Variants in TAOK3 observed in about 807,000 individuals in gnomAD.
TAOK3 encodes TAO kinase 3, also known as serine/threonine-protein kinase TAO3.
Under a neutral mutation model 120.4 loss-of-function variants are expected in TAOK3, and 40 were observed. The ratio of observed to expected loss-of-function variants is 0.33; its 90% CI spans 0.26 to 0.43. The LOEUF is 0.43. TAOK3 is among the 20% of genes least tolerant of loss of function. TAOK3 has a pLI of 1.00. For synonymous variants in TAOK3, 355 were observed against 387.5 expected (o/e 0.92, Z 0.99); for missense variants, 821 against 1,112.1 (o/e 0.74, Z 3.72).
chr12:118,333,569 A>T (rs952098175), intron 1 of TAOK3, among the ~76,000 whole-genome samples: 5 of 152,060 alleles, frequency 3.3e-5, no homozygotes, highest in Non-Finnish European at 7.4e-5. Context: ...TTTCTACCAT[A>T]AGAATCCTAG....
chr12:118,199,625 A>G (rs1457565570), intron 12 of TAOK3: 4 of 291,278 alleles, frequency 1.4e-5, no homozygotes, highest in African/African-American at 6.5e-5. Context: ...ACTGCTGGCC[A>G]CTAAACAGGT....
chr12:118,338,814 A>G (rs1434000819), intron 1 of TAOK3, among the ~76,000 whole-genome samples: 3 of 143,064 alleles, frequency 2.1e-5, no homozygotes, highest in Non-Finnish European at 4.6e-5. Context: ...AAAAAAAAAA[A>G]GAGAAAACGG....
At position 118,201,350 on chromosome 12, in the gene TAOK3, T is replaced by C. The variant is rs1565939722; in HGVS notation, c.933A>G (p.Ile311Met). The change falls in exon 12 of 21, where the codon ATA (isoleucine) becomes ATG (methionine). Residue 311 changes from isoleucine (I) to methionine (M), a missense_variant. Coordinates refer to ENST00000392533, the MANE Select transcript of TAOK3 (RefSeq NM_016281.4). ...DNLQYRKMKK[I>M]LFQETRNGPL... Reference sequence around the variant, plus strand: ...GTCCATTCCGTGTCTCTTGGAAAAGTATTTTTTTCATTTTTCGGTACTGTA... The same window carrying C: ...GTCCATTCCGTGTCTCTTGGAAAAGCATTTTTTTCATTTTTCGGTACTGTA... 1.9e-6 allele frequency: 3 copies of C among 1,614,132 alleles called. No individual in the cohort carries two copies. Among genetic ancestry groups the C allele is most frequent in the Non-Finnish European group, 2.5e-6 (3 of 1,179,972 alleles).
In TAOK3 at chr12:118,212,883, C is replaced by T. The variant is rs974711024; in HGVS notation, c.819+31G>A. On this transcript the variant is annotated intron_variant, in intron 11 of 20. Coordinates refer to ENST00000392533, the MANE Select transcript of TAOK3 (RefSeq NM_016281.4). The stretch of plus-strand genomic sequence containing the variant: ...TTCCATTATAACATGACTTTAAATC[C>T]CCCTCCTCAAATATAAATTTGAAAA... 4.2e-6 allele frequency: 6 copies of T among 1,431,986 alleles called. No homozygotes were observed. In the African/African-American group the frequency reaches 4.2e-5, roughly 10 times the overall value. 88.7% of individuals were successfully genotyped at this position (1,431,986 alleles called of 1,614,324 possible).
At chr12:118,369,409 A>G (rs1244439586) in intron 1 of TAOK3, among the ~76,000 whole-genome samples, 1 of 152,224 alleles carries the variant, frequency 6.6e-6, no homozygotes, top group East Asian at 1.9e-4. Context: ...CTCTGGATCA[A>G]TACCATAATA....
At chr12:118,231,835 A>C (rs570245017) in intron 9 of TAOK3, among the ~76,000 whole-genome samples, 1 of 152,158 alleles carries the variant, frequency 6.6e-6, no homozygotes, top group South Asian at 2.1e-4. Context: ...AGGCAGGAGA[A>C]TCGCTTGAAC....
intron 1 of TAOK3, among the ~76,000 whole-genome samples, chr12:118,334,947 G>A (rs1455446638): frequency 3.3e-5 from 5 of 151,730 alleles, no homozygotes; most frequent in African/African-American, 1.2e-4. Flanking sequence ...GGGAGGCTGA[G>A]ATGGGTGGAT....
intron 1 of TAOK3, among the ~76,000 whole-genome samples, chr12:118,352,797 A>G (rs1283278665): frequency 2.0e-5 from 3 of 152,064 alleles, no homozygotes; most frequent in African/African-American, 4.8e-5. Context: ...TGCAACTTCC[A>G]CCACTGGGAT....
intron 12 of TAOK3, chr12:118,200,193 TG>T: frequency 1.3e-5 from 2 of 152,380 alleles, no homozygotes; most frequent in Admixed American, 1.3e-4. Flanking sequence ...TATAGTTCAA[TG>T]CAACTTTCCG....
chr12:118,253,005 C>T (rs1019171064), intron 3 of TAOK3, among the ~76,000 whole-genome samples: 4 of 152,060 alleles, frequency 2.6e-5, no homozygotes, highest in Admixed American at 2.0e-4. Context: ...GGATTACAGG[C>T]GTGAGCCACT....
rs1192680968 is a variant in TAOK3, at chr12:118,330,456, C to T, written c.-194+42192G>A. ...TATATTTTTAGATAGTGTTCAGATTCCTGACCCAAACTACATTATCATAAC... is the reference window on the plus strand; with the variant it reads ...TATATTTTTAGATAGTGTTCAGATTTCTGACCCAAACTACATTATCATAAC... On this transcript the variant is annotated intron_variant, in intron 1 of 20. Coordinates refer to ENST00000392533, the MANE Select transcript of TAOK3 (RefSeq NM_016281.4). Among the ~76,000 whole-genome samples the T allele has an allele frequency of 2.0e-5, 3 of 152,038 alleles. No individual in the cohort carries two copies. The East Asian group carries it at 5.8e-4, about 29-fold the overall frequency.
intron 17 of TAOK3, among the ~76,000 whole-genome samples, chr12:118,167,805 A>G (rs1446231501): frequency 1.3e-5 from 2 of 152,170 alleles, no homozygotes; most frequent in Non-Finnish European, 2.9e-5. Context: ...CAGAAACGAT[A>G]CAAAGACAAA....
chr12:118,164,349 C>T (rs535465386), intron 17 of TAOK3, among the ~76,000 whole-genome samples: 30 of 151,548 alleles, frequency 2.0e-4, no homozygotes, highest in South Asian at 4.2e-4. Flanking sequence ...AAAACAACAA[C>T]GAAACAAACA....
At chr12:118,239,034 G>A (rs2040134126) in intron 6 of TAOK3, among the ~76,000 whole-genome samples, 193 bp downstream of exon 6, 1 of 152,212 alleles carries the variant, frequency 6.6e-6, no homozygotes, top group Non-Finnish European at 1.5e-5. Context: ...AACTAAAACA[G>A]CAGGAAGACT....
chr12:118,165,807 A>G (rs1046976542), intron 17 of TAOK3, among the ~76,000 whole-genome samples: 2 of 152,278 alleles, frequency 1.3e-5, no homozygotes, highest in African/African-American at 4.8e-5. Flanking sequence ...AAGGGAATAC[A>G]TGGCATATAA....
intron 1 of TAOK3, among the ~76,000 whole-genome samples, chr12:118,341,344 T>C (rs2044611556): frequency 6.6e-6 from 1 of 152,068 alleles, no homozygotes; most frequent in Admixed American, 6.6e-5. Flanking sequence ...AATTTTTTAA[T>C]GCCATAAAAT....
chr12:118,199,027 T>C, intron 13 of TAOK3, 24 bp downstream of exon 13: 1 of 1,613,638 alleles, frequency 6.2e-7, no homozygotes, highest in South Asian at 1.1e-5. Context: ...AGCTCACCTC[T>C]GTGGAGGGTA....
intron 1 of TAOK3, among the ~76,000 whole-genome samples, chr12:118,331,255 C>T (rs2044134247): frequency 6.6e-6 from 1 of 152,140 alleles, no homozygotes; most frequent in Non-Finnish European, 1.5e-5. Context: ...CCAGAAAATG[C>T]TAACACCAGG....
chr12:118,214,461 T>C (rs1260680643), intron 9 of TAOK3, among the ~76,000 whole-genome samples: 1 of 151,558 alleles, frequency 6.6e-6, no homozygotes, highest in African/African-American at 2.4e-5. Flanking sequence ...ATATATATTC[T>C]CTCCTTGAAG....
Sources: allele counts gnomAD v4.1 joint callset (sites outside exome capture counted in the v4.1 genomes callset), GRCh38; gene constraint gnomAD v4.1.1; transcripts MANE v1.5; gene names NCBI Gene and HGNC (gene_info 2026-07-23, HGNC 2026-07-21).